The following DGUOK variants were observed in gnomAD, a reference collection of about 807,000 sequenced individuals.
The protein encoded by DGUOK is deoxyguanosine kinase, mitochondrial.
Under a neutral mutation model 36.6 loss-of-function variants are expected in DGUOK, and 30 were observed. That is an observed-to-expected ratio of 0.82 (90% CI 0.61 to 1.11). The LOEUF (loss-of-function observed/expected upper bound fraction) is 1.11, where lower values mean the gene tolerates loss of function less well. DGUOK is among the 50% of genes most tolerant of loss of function. The pLI is 0.00. For missense variants in DGUOK, 361 were observed against 336.4 expected, an observed-to-expected ratio of 1.07 and a Z score of -0.57; for synonymous variants, 145 against 126.3, an observed-to-expected ratio of 1.15 and a Z score of -0.99.
At chr2:73,936,025 A>G (rs911568784) in intron 1 of DGUOK, among the ~76,000 whole-genome samples, 10 of 152,250 alleles carry the variant, frequency 6.6e-5, no homozygotes, top group Admixed American at 5.9e-4. Context: ...TTTAAAAAAT[A>G]TAAGTAATTC....
intron 2 of DGUOK, among the ~76,000 whole-genome samples, chr2:73,944,302 GAGCCCCCATACCT>G (rs1682126817): frequency 6.6e-6 from 1 of 152,162 alleles, no homozygotes; most frequent in Admixed American, 6.5e-5. Context: ...TTATAGGTGT[GAGCCCCCATACCT>G]AGCCCTTAAA....
chr2:73,939,121 G>C lies in DGUOK; in HGVS notation c.255+99G>C, dbSNP rs1159252568. Reference sequence around the variant, plus strand: ...CAGTGAGTAAAGTAGCCCAGTTTGAGTATCCTTTTTAAAATAGCTTCATTC... The same window carrying C: ...CAGTGAGTAAAGTAGCCCAGTTTGACTATCCTTTTTAAAATAGCTTCATTC... On this transcript the variant is annotated intron_variant, in intron 2 of 6. Transcript: ENST00000264093. 1.1e-5 allele frequency: 9 copies of C among 796,402 alleles called. No individual in the cohort carries two copies. The Admixed American group carries it at 1.2e-4, about 11-fold the overall frequency. 49.3% of individuals were successfully genotyped at this position (796,402 alleles called of 1,614,324 possible). A position where few individuals can be genotyped will look rare whatever the true frequency, so the allele number is the denominator to read the frequency against.
chr2:73,953,675 T>A (rs1286254718), intron 4 of DGUOK, among the ~76,000 whole-genome samples: 1 of 151,708 alleles, frequency 6.6e-6, no homozygotes, highest in Non-Finnish European at 1.5e-5. Context: ...TCAGATGGAC[T>A]TCGTAGGTCC....
chr2:73,936,770 T>C (rs1182300974), intron 1 of DGUOK, among the ~76,000 whole-genome samples: 1 of 152,210 alleles, frequency 6.6e-6, no homozygotes, highest in Non-Finnish European at 1.5e-5. Flanking sequence ...CATTAGGTTG[T>C]AATTTGTTTT....
At chr2:73,934,793 C>T (rs1282659873) in intron 1 of DGUOK, among the ~76,000 whole-genome samples, 2 of 146,750 alleles carry the variant, frequency 1.4e-5, no homozygotes, top group Non-Finnish European at 3.0e-5. Flanking sequence ...ACAGCAGTGG[C>T]CCGGCGCAGT....
At chr2:73,957,978 G>A (rs1057198280) in intron 5 of DGUOK, 168 bp from the exon 6 acceptor site, 16 of 571,960 alleles carry the variant, frequency 2.8e-5, no homozygotes, top group Admixed American at 7.5e-5. Flanking sequence ...TTCTGTTTCC[G>A]GCCAACTTTA....
At chr2:73,929,319 A>G (rs1370279408) in intron 1 of DGUOK, among the ~76,000 whole-genome samples, 2 of 152,172 alleles carry the variant, frequency 1.3e-5, no homozygotes, top group Non-Finnish European at 2.9e-5. Context: ...TATATTTTCC[A>G]GGCTGGTCTT....
In DGUOK at chr2:73,953,641, C is replaced by T. The variant is rs111663645; in HGVS notation, c.591+2909C>T. ...GCCCAATCTTCCAGTTCAGAGCCCTCGTAAATACTGAGTTTCGAGCATGTC... is the reference window on the plus strand; with the variant it reads ...GCCCAATCTTCCAGTTCAGAGCCCTTGTAAATACTGAGTTTCGAGCATGTC... On this transcript the variant is annotated intron_variant, in intron 4 of 6. Transcript: ENST00000264093. 5.6e-3 allele frequency among the ~76,000 whole-genome samples: 847 copies of T among 150,990 alleles called. 13 individuals carry two copies. Among genetic ancestry groups the T allele is most frequent in the African/African-American group, 0.019 (790 of 41,234 alleles).
chr2:73,937,289 A>G (rs1681544746), intron 1 of DGUOK, among the ~76,000 whole-genome samples: 1 of 152,248 alleles, frequency 6.6e-6, no homozygotes, highest in Non-Finnish European at 1.5e-5. Flanking sequence ...CCATGTGGCC[A>G]CACCCATCTT....
At chr2:73,932,326 A>G (rs562945108) in intron 1 of DGUOK, among the ~76,000 whole-genome samples, 43 of 152,184 alleles carry the variant, frequency 2.8e-4, no homozygotes, top group Non-Finnish European at 4.0e-4. Flanking sequence ...GTGGGCTGAC[A>G]TAACATTTTG....
At chr2:73,952,723 C>T (rs986129720) in intron 4 of DGUOK, among the ~76,000 whole-genome samples, 1 of 152,152 alleles carries the variant, frequency 6.6e-6, no homozygotes, top group African/African-American at 2.4e-5. Context: ...AGGAAGTGGG[C>T]TGACTCATTC....
intron 3 of DGUOK, among the ~76,000 whole-genome samples, chr2:73,949,077 G>C (rs1279974837): frequency 6.6e-6 from 1 of 152,122 alleles, no homozygotes; most frequent in Admixed American, 6.5e-5. Flanking sequence ...TCAGTCTCCT[G>C]AGTAGCTGGG....
intron 4 of DGUOK, among the ~76,000 whole-genome samples, chr2:73,954,733 C>T (rs191103645): frequency 9.2e-5 from 14 of 152,190 alleles, no homozygotes. Context: ...AGTGAAAAGA[C>T]CCACTAGCAG....
chr2:73,947,037 A>G (rs1314095428), intron 3 of DGUOK, 131 bp downstream of exon 3: 2 of 871,640 alleles, frequency 2.3e-6, no homozygotes, highest in Admixed American at 4.0e-5. Context: ...TTTAAAGACA[A>G]CACTATACAG....
intron 1 of DGUOK, among the ~76,000 whole-genome samples, chr2:73,928,380 G>T (rs1015912011): frequency 6.6e-6 from 1 of 152,120 alleles, no homozygotes. Context: ...CGCCTGCCTC[G>T]GCCTCCCAAA....
intron 4 of DGUOK, among the ~76,000 whole-genome samples, chr2:73,953,719 C>CTTTTTTTTTTTTTT (rs386390474): frequency 1.0e-5 from 1 of 95,786 alleles, no homozygotes; most frequent in Non-Finnish European, 2.0e-5. Flanking sequence ...TCCCTAACTT[C>CTTTTTTTTTTTTTT]TTTTTTTTTT....
chr2:73,937,933 TAGTGG>T (rs1448239791), intron 1 of DGUOK, among the ~76,000 whole-genome samples: 4 of 152,202 alleles, frequency 2.6e-5, no homozygotes, highest in Non-Finnish European at 5.9e-5. Flanking sequence ...CTTACACAGC[TAGTGG>T]AGTGATCTTC....
chr2:73,929,267 C>T (rs1292947443), intron 1 of DGUOK, among the ~76,000 whole-genome samples: 3 of 152,146 alleles, frequency 2.0e-5, no homozygotes, highest in Non-Finnish European at 4.4e-5. Flanking sequence ...TGCCACTATG[C>T]GTGGCTAATT....
chr2:73,931,832 G>A (rs1458820184), intron 1 of DGUOK, among the ~76,000 whole-genome samples: 1 of 152,120 alleles, frequency 6.6e-6, no homozygotes, highest in Non-Finnish European at 1.5e-5. Context: ...GAGGAAAGAT[G>A]CAGGCCTGAA....
Sources: allele counts gnomAD v4.1 joint callset (sites outside exome capture counted in the v4.1 genomes callset), GRCh38; gene constraint gnomAD v4.1.1; transcripts MANE v1.5; gene names NCBI Gene and HGNC (gene_info 2026-07-23, HGNC 2026-07-21).